AGPAT4: variants seen among roughly 807,000 people sequenced by gnomAD.
AGPAT4 encodes the protein 1-acylglycerol-3-phosphate O-acyltransferase 4, also known as 1-acyl-sn-glycerol-3-phosphate acyltransferase delta.
Under a neutral mutation model 48.0 loss-of-function variants are expected in AGPAT4, and 15 were observed. That is an observed-to-expected ratio of 0.31 (90% confidence interval 0.21 to 0.48). The LOEUF (loss-of-function observed/expected upper bound fraction) is 0.48, where lower values mean the gene tolerates loss of function less well. AGPAT4 is among the 20% of genes least tolerant of loss of function. AGPAT4 has a pLI of 0.99. For missense variants in AGPAT4, 314 were observed against 482.5 expected, an observed-to-expected ratio of 0.65 and a Z score of 3.27; for synonymous variants, 178 against 198.7, an observed-to-expected ratio of 0.90 and a Z score of 0.88.
intron 1 of AGPAT4, among the ~76,000 whole-genome samples, chr6:161,273,726 G>T (rs2114771986): frequency 6.6e-6 from 1 of 151,964 alleles, no homozygotes; most frequent in African/African-American, 2.4e-5. Context: ...GGGTCCTTTT[G>T]TACCAGCAGA....
chr6:161,243,438 C>G lies in AGPAT4; in HGVS notation c.-89-11136G>C, dbSNP rs568859275. Among the ~76,000 whole-genome samples, 7 of 152,200 alleles carry G rather than the reference C, an allele frequency of 4.6e-5. No individual in the cohort carries two copies. The highest frequency in any genetic ancestry group is 1.3e-4 in the Admixed American group (2 of 15,288). On this transcript the variant is annotated intron_variant, in intron 1 of 8. Transcript: ENST00000320285. The surrounding 1 kb of genome is among the most constrained non-coding windows in gnomAD (Gnocchi z 4.8). ...CAACGTGGTCAGGACTGGCAGCTCA[C>G]GTCAGAGCCTCGGCCATCCTGCGCA...
intron 2 of AGPAT4, among the ~76,000 whole-genome samples, chr6:161,207,864 AG>A (rs1382549570): frequency 6.6e-6 from 1 of 152,130 alleles, no homozygotes; most frequent in Admixed American, 6.5e-5. Flanking sequence ...TCTGAGCAGC[AG>A]GTTGAGTGGG....
At position 161,232,238 on chromosome 6, in the gene AGPAT4, A is replaced by C. The variant is rs1481753645; in HGVS notation, c.-25T>G. On this transcript the variant is annotated 5_prime_UTR_variant, in exon 2 of 9. It adds an upstream start codon to the 5' untranslated region. Transcript: ENST00000320285. The surrounding 1 kb of genome is among the most constrained non-coding windows in gnomAD (Gnocchi z 6.8). ...TGATGCGTGGACGCTCTTATTCAGA[A>C]ATAAATAACTACCCACAGTCAAAGA... is the stretch of plus-strand genomic sequence containing the variant. 6.3e-7 allele frequency: 1 copy of C among 1,599,886 alleles called. No individual in the cohort carries two copies. Among genetic ancestry groups the C allele is most frequent in the Admixed American group, 1.7e-5 (1 of 59,360 alleles).
At position 161,178,898 on chromosome 6, in the gene AGPAT4, C is replaced by T. The variant is rs1022527987; in HGVS notation, c.179-12481G>A. Among the ~76,000 whole-genome samples the T allele has an allele frequency of 6.6e-6, 1 of 152,230 alleles. No homozygotes were observed. The highest frequency in any genetic ancestry group is 1.5e-5 in the Non-Finnish European group (1 of 68,038). On this transcript the variant is annotated intron_variant, in intron 2 of 8. Transcript: ENST00000320285. The surrounding 1 kb of genome is among the most constrained non-coding windows in gnomAD (Gnocchi z 5.1). ...TCACATTCGGATTCTGCTCTTGCAGCCACATCTGGCTTTGACCAGTTGCTG... is the reference window on the plus strand; with the variant it reads ...TCACATTCGGATTCTGCTCTTGCAGTCACATCTGGCTTTGACCAGTTGCTG...
In AGPAT4 at chr6:161,189,427, A is replaced by T. The variant is rs528296099; in HGVS notation, c.179-23010T>A. ...AAGGCATTGAGGAATCGGGGTGAAG[A>T]GAGAACCCACATGTATTGTACACAC... On this transcript the variant is annotated intron_variant, in intron 2 of 8. Transcript: ENST00000320285. The surrounding 1 kb of genome is among the most constrained non-coding windows in gnomAD (Gnocchi z 5.3). Among the ~76,000 whole-genome samples, 2 of 152,298 alleles carry T rather than the reference A, an allele frequency of 1.3e-5. No homozygotes were observed. Among genetic ancestry groups the T allele is most frequent in the Admixed American group, 1.3e-4 (2 of 15,292 alleles).
In AGPAT4 at chr6:161,267,719, T is replaced by A. The variant is rs1783305504; in HGVS notation, c.-90+6219A>T. Among the ~76,000 whole-genome samples, 1 of 150,498 alleles carries A rather than the reference T, an allele frequency of 6.6e-6. No homozygotes were observed. The highest frequency in any genetic ancestry group is 2.4e-5 in the African/African-American group (1 of 40,910). On this transcript the variant is annotated intron_variant, in intron 1 of 8. Transcript: ENST00000320285. This position sits in a 1 kb window ranked among gnomAD's most constrained non-coding sequence, Gnocchi z 5.2. ...CCTGGGCAACAAGAACAAAACTCTG[T>A]CTCAAAAAAAAAAAGAAAAGAAAAA... is the stretch of plus-strand genomic sequence containing the variant.
In AGPAT4 at chr6:161,166,699, G is replaced by A. The variant is rs1391873829; in HGVS notation, c.179-282C>T. On this transcript the variant is annotated intron_variant, in intron 2 of 8. Coordinates refer to ENST00000320285, the MANE Select transcript of AGPAT4 (RefSeq NM_020133.3). This position sits in a 1 kb window ranked among gnomAD's most constrained non-coding sequence, Gnocchi z 6.7. ...ATCTTGGGGGAAAATAAATCAGAAA[G>A]CCAGAATCCGTCAAGAATTCATGCC... 6.6e-6 allele frequency among the ~76,000 whole-genome samples: 1 copy of A among 152,200 alleles called. No individual in the cohort carries two copies. The highest frequency in any genetic ancestry group is 2.4e-5 in the African/African-American group (1 of 41,464).
chr6:161,168,844 C>A (rs1780185921), intron 2 of AGPAT4, among the ~76,000 whole-genome samples: 1 of 152,136 alleles, frequency 6.6e-6, no homozygotes, highest in African/African-American at 2.4e-5. Context: ...AGGCTCCGAT[C>A]CCGGTGGAGC....
rs1172597795 is a variant in AGPAT4, at chr6:161,169,091, A to T, written c.179-2674T>A. On this transcript the variant is annotated intron_variant, in intron 2 of 8. Transcript: ENST00000320285. This position sits in a 1 kb window ranked among gnomAD's most constrained non-coding sequence, Gnocchi z 5.0. Reference sequence around the variant, plus strand: ...CTCTGTGACCACTGAAGGGGAGAGGAAGGGTGGGGAGGAGACAGAGGCAGA... The same window carrying T: ...CTCTGTGACCACTGAAGGGGAGAGGTAGGGTGGGGAGGAGACAGAGGCAGA... 6.6e-6 allele frequency among the ~76,000 whole-genome samples: 1 copy of T among 152,126 alleles called. No individual in the cohort carries two copies. The highest frequency in any genetic ancestry group is 1.5e-5 in the Non-Finnish European group (1 of 68,014).
Position 161,232,750 on chromosome 6 carries a change from CCT to C in AGPAT4, c.-89-450_-89-449del, listed in dbSNP as rs1412377373. Among the ~76,000 whole-genome samples the C allele has an allele frequency of 6.6e-6, 1 of 152,168 alleles. No homozygotes were observed. The highest frequency in any genetic ancestry group is 1.5e-5 in the Non-Finnish European group (1 of 68,042). On this transcript the variant is annotated intron_variant, in intron 1 of 8. Coordinates refer to ENST00000320285, the MANE Select transcript of AGPAT4 (RefSeq NM_020133.3). This position sits in a 1 kb window ranked among gnomAD's most constrained non-coding sequence, Gnocchi z 6.8. Reference sequence around the variant, plus strand: ...ACCCCTAGCCCCACGCCATCTCCCTCCTCTCATTCTCCTCCTCCAGATCCCTG... The same window carrying C: ...ACCCCTAGCCCCACGCCATCTCCCTCCTCATTCTCCTCCTCCAGATCCCTG...
rs1781187469 is a variant in AGPAT4 at position 161,200,233 on chromosome 6, CA to C, written c.178+31802del. Among the ~76,000 whole-genome samples, 1 of 152,238 alleles carries C rather than the reference CA, an allele frequency of 6.6e-6. No individual in the cohort carries two copies. Among genetic ancestry groups the C allele is most frequent in the Non-Finnish European group, 1.5e-5 (1 of 68,048 alleles). ...TTGTACATCACTTCTATGAGAAAAT[CA>C]CAGCAGAATAATGCTAATGAGTGAA... On this transcript the variant is annotated intron_variant, in intron 2 of 8. Coordinates refer to ENST00000320285, the MANE Select transcript of AGPAT4 (RefSeq NM_020133.3). This position sits in a 1 kb window ranked among gnomAD's most constrained non-coding sequence, Gnocchi z 5.5.
In AGPAT4 at chr6:161,232,204, C is replaced by A; in HGVS notation, c.10G>T (p.Ala4Ser). The change falls in exon 2 of 9, where the codon GCG becomes TCG. Residue 4 changes from alanine to serine, a missense_variant. Ala to Ser is a moderately conservative substitution (Grantham distance 99, BLOSUM62 1). Transcript: ENST00000320285. The surrounding 1 kb of genome is among the most constrained non-coding windows in gnomAD (Gnocchi z 6.8). ...AGGAACTGAGACTTCAGCAGTCCCGCGAGGTCCATGATGCGTGGACGCTCT... is the reference window on the plus strand; with the variant it reads ...AGGAACTGAGACTTCAGCAGTCCCGAGAGGTCCATGATGCGTGGACGCTCT... MDL[A>S]GLLKSQFLCH... 6.2e-7 allele frequency: 1 copy of A among 1,613,838 alleles called. No homozygotes were observed. Among genetic ancestry groups the A allele is most frequent in the Non-Finnish European group, 8.5e-7 (1 of 1,179,948 alleles).
At chr6:161,260,783 G>A (rs1783079245) in intron 1 of AGPAT4, among the ~76,000 whole-genome samples, 1 of 152,114 alleles carries the variant, frequency 6.6e-6, no homozygotes, top group South Asian at 2.1e-4. Flanking sequence ...GCTACTTGGG[G>A]AGGGCTGAGG....
At position 161,262,332 on chromosome 6, in the gene AGPAT4, A is replaced by AC. The variant is rs1562362391; in HGVS notation, c.-90+11605dup. Among the ~76,000 whole-genome samples, 1 of 152,072 alleles carries AC rather than the reference A, an allele frequency of 6.6e-6. No individual in the cohort carries two copies. The highest frequency in any genetic ancestry group is 1.5e-5 in the Non-Finnish European group (1 of 68,012). On this transcript the variant is annotated intron_variant, in intron 1 of 8. Transcript: ENST00000320285. This position sits in a 1 kb window ranked among gnomAD's most constrained non-coding sequence, Gnocchi z 4.9. Reference sequence around the variant, plus strand: ...ACATGGGTTAGACTCTGCTGCCAGGACCTGAAAAGCGTGATGGAGCTGCAG... The same window carrying AC: ...ACATGGGTTAGACTCTGCTGCCAGGACCCTGAAAAGCGTGATGGAGCTGCAG...
chr6:161,136,554 T>C lies in AGPAT4; in HGVS notation c.1123A>G (p.Lys375Glu). The change falls in exon 9 of 9, where the codon AAA (lysine) becomes GAA (glutamate). Residue 375 changes from lysine (K) to glutamate (E), a missense_variant. By Grantham distance (56) the Lys-to-Glu change is moderately conservative. Coordinates refer to ENST00000320285, the MANE Select transcript of AGPAT4 (RefSeq NM_020133.3). Reference sequence around the variant, plus strand: ...ACCTCCCTGAGTCAGTCATTCAGTTTCTGCTTGCTGTCAGAGTTGCCGTAG... The same window carrying C: ...ACCTCCCTGAGTCAGTCATTCAGTTCCTGCTTGCTGTCAGAGTTGCCGTAG... ...SAYGNSDSKQ[K>E]LND 6.2e-7 allele frequency: 1 copy of C among 1,614,176 alleles called. No individual in the cohort carries two copies. Among genetic ancestry groups the C allele is most frequent in the Non-Finnish European group, 8.5e-7 (1 of 1,180,042 alleles).
intron 1 of AGPAT4, among the ~76,000 whole-genome samples, chr6:161,237,260 T>A (rs1162728306): frequency 6.6e-6 from 1 of 152,238 alleles, no homozygotes. Flanking sequence ...TAGTAGATAT[T>A]GAATTTAGCC....
rs35750991 is a variant in AGPAT4 at position 161,219,630 on chromosome 6, A to C, written c.178+12406T>G. Among the ~76,000 whole-genome samples the C allele has an allele frequency of 6.6e-6, 1 of 152,288 alleles. No individual in the cohort carries two copies. Among genetic ancestry groups the C allele is most frequent in the Non-Finnish European group, 1.5e-5 (1 of 68,024 alleles). ...ACTTTGCGAATTAATTTATTTATAA[A>C]CCATATGAATAGCTAAGACAACTTG... On this transcript the variant is annotated intron_variant, in intron 2 of 8. Transcript: ENST00000320285. This position sits in a 1 kb window ranked among gnomAD's most constrained non-coding sequence, Gnocchi z 4.9.
At position 161,143,016 on chromosome 6, in the gene AGPAT4, C is replaced by A. The variant is rs1779303638; in HGVS notation, c.844-3396G>T. Among the ~76,000 whole-genome samples, 1 of 152,248 alleles carries A rather than the reference C, an allele frequency of 6.6e-6. No individual in the cohort carries two copies. The highest frequency in any genetic ancestry group is 2.1e-4 in the South Asian group (1 of 4,834). On this transcript the variant is annotated intron_variant, in intron 7 of 8. Coordinates refer to ENST00000320285, the MANE Select transcript of AGPAT4 (RefSeq NM_020133.3). This position sits in a 1 kb window ranked among gnomAD's most constrained non-coding sequence, Gnocchi z 4.7. ...TGCCTGCACCCTGAACTCTGCACCC[C>A]ACCCAGAGCTGCTCCCGACCTTGGC...
intron 2 of AGPAT4, among the ~76,000 whole-genome samples, chr6:161,193,684 G>A (rs1780986998): frequency 6.6e-6 from 1 of 152,214 alleles, no homozygotes; most frequent in Non-Finnish European, 1.5e-5. Flanking sequence ...CTCCAAGGCA[G>A]ACTCTGGGCT....
Sources: allele counts gnomAD v4.1 joint callset (sites outside exome capture counted in the v4.1 genomes callset), GRCh38; gene constraint gnomAD v4.1.1; non-coding constraint Gnocchi (gnomAD v3.1); transcripts MANE v1.5; gene names NCBI Gene and HGNC (gene_info 2026-07-23, HGNC 2026-07-21).